The following ORC1 variants were observed in gnomAD, a reference collection of about 807,000 sequenced individuals.
The protein encoded by ORC1 is origin recognition complex, subunit 1 homolog.
A neutral mutation model predicts 98.9 loss-of-function variants in ORC1; 61 were observed. The observed-to-expected ratio is 0.62, with a 90% confidence interval of 0.50 to 0.76. ORC1 has a LOEUF of 0.76. Among genes scored for constraint, ORC1 ranks in the 30% least tolerant of loss-of-function variants. The pLI is 0.00. For synonymous variants in ORC1, 385 were observed against 406.9 expected, an observed-to-expected ratio of 0.95 and a Z score of 0.65; for missense variants, 979 against 1,072.2, an observed-to-expected ratio of 0.91 and a Z score of 1.21.
At chr1:52,380,438 G>A (rs1354098757) in intron 14 of ORC1, among the ~76,000 whole-genome samples, 1 of 152,228 alleles carries the variant, frequency 6.6e-6, no homozygotes, top group African/African-American at 2.4e-5. Flanking sequence ...GCTTGCTCCT[G>A]TAATCCCAGC....
chr1:52,393,394 C>G, intron 6 of ORC1, 49 bp downstream of exon 6: 2 of 1,611,538 alleles, frequency 1.2e-6, no homozygotes, highest in Non-Finnish European at 1.7e-6. Flanking sequence ...ACATACTTCA[C>G]GTGATGTGAA....
At position 52,396,167 on chromosome 1, in the gene ORC1, AG is replaced by A; in HGVS notation, c.599del (p.Pro200LeufsTer43). The A allele has an allele frequency of 6.2e-7, 1 of 1,614,158 alleles. No homozygotes were observed. Among genetic ancestry groups the A allele is most frequent in the Admixed American group, 1.7e-5 (1 of 60,016 alleles). On this transcript the variant is annotated frameshift_variant, in exon 5 of 17. Transcript: ENST00000371568. LOFTEE classifies it high-confidence loss of function. ...CCACATGTTCTGCTGGGGTCCAAGA[AG>A]GGCTCTCTGCACTCTTACTCTTGGC... ...VRAKSKSAES[P>X]SWTPAEHVAK...
chr1:52,402,099 C>T, intron 2 of ORC1, 30 bp downstream of exon 2: 2 of 1,522,094 alleles, frequency 1.3e-6, no homozygotes, highest in Non-Finnish European at 1.8e-6. Context: ...AGCTGTATTT[C>T]CAGGACAACC....
chr1:52,378,011 G>C (rs1424761728), intron 14 of ORC1, among the ~76,000 whole-genome samples: 1 of 152,184 alleles, frequency 6.6e-6, no homozygotes, highest in South Asian at 2.1e-4. Context: ...ATTTGAGGAA[G>C]AGCAGCATCC....
Position 52,385,887 on chromosome 1 carries a change from C to A in ORC1, c.1446G>T (p.Gln482His). 5 of 1,613,840 alleles carry A rather than the reference C, an allele frequency of 3.1e-6. No homozygotes were observed. The highest frequency in any genetic ancestry group is 4.2e-6 in the Non-Finnish European group (5 of 1,179,988). The stretch of plus-strand genomic sequence containing the variant: ...CTTCCTCCAGCACACTGGCTGGCTC[C>A]TGGGCAGCCAGGCTTCGACTACGGA... ...PQIRSRSLAA[Q>H]EPASVLEEAR... is the part of the protein sequence containing the mutation. Residue 482 changes from glutamine to histidine, a missense_variant, in exon 9 of 17, where the codon CAG (glutamine) becomes CAT (histidine). By Grantham distance (24) the Gln-to-His change is conservative. Transcript: ENST00000371568.
Position 52,396,209 on chromosome 1 carries a change from GCACTTGGCTGCA to G in ORC1, c.546_557del (p.Ala183_Cys186del). 1 of 1,614,136 alleles carries G rather than the reference GCACTTGGCTGCA, an allele frequency of 6.2e-7. No homozygotes were observed. Among genetic ancestry groups the G allele is most frequent in the Non-Finnish European group, 8.5e-7 (1 of 1,180,032 alleles). The stretch of plus-strand genomic sequence containing the variant: ...TACTCTTGGCTCTCACGGGTTTCTG[GCACTTGGCTGCA>G]CTCTCTTGTGGTTTATTCAACTCCG... On this transcript the variant is annotated inframe_deletion, in exon 5 of 17. Coordinates refer to ENST00000371568, the MANE Select transcript of ORC1 (RefSeq NM_004153.4).
chr1:52,378,679 A>G (rs1388301571), intron 14 of ORC1, among the ~76,000 whole-genome samples: 1 of 151,574 alleles, frequency 6.6e-6, no homozygotes, highest in African/African-American at 2.4e-5. Flanking sequence ...AATGACAACA[A>G]CAACCCACCC....
At chr1:52,385,318 T>C in intron 9 of ORC1, 56 bp from the exon 10 acceptor site, 1 of 1,073,578 alleles carries the variant, frequency 9.3e-7, no homozygotes, top group East Asian at 2.4e-5. Flanking sequence ...TCCCCAACCA[T>C]CTACTCATTA....
Position 52,385,927 on chromosome 1 carries a change from C to T in ORC1, c.1406G>A (p.Cys469Tyr), listed in dbSNP as rs3087483. 2,868 of 1,613,606 alleles carry T rather than the reference C, an allele frequency of 1.8e-3. 35 individuals carry two copies. In the African/African-American group the frequency reaches 0.034, roughly 19 times the overall value. The change falls in exon 9 of 17, where the codon TGT becomes TAT. Residue 469 changes from cysteine (C) to tyrosine (Y), a missense_variant. Cys to Tyr is a radical substitution (Grantham distance 194). Transcript: ENST00000371568. ...TCGACTACGGATCTGAGGAGCGGCACAACGTGGCGTTCTAGGCTTGAGCTG... is the reference window on the plus strand; with the variant it reads ...TCGACTACGGATCTGAGGAGCGGCATAACGTGGCGTTCTAGGCTTGAGCTG... ...KKSLKPRTPR[C>Y]AAPQIRSRSL...
rs1460968473 is a variant in ORC1, at chr1:52,396,060, CT to C, written c.706del (p.Arg236GlyfsTer7). 4.3e-5 allele frequency: 70 copies of C among 1,614,052 alleles called. No homozygotes were observed. Among genetic ancestry groups the C allele is most frequent in the Non-Finnish European group, 5.8e-5 (69 of 1,180,042 alleles). ...CCACAACTTACTGCCAAGCTCCAGCCTCTTTCTGGCTCTTGGGGTAAGAGGA... is the reference window on the plus strand; with the variant it reads ...CCACAACTTACTGCCAAGCTCCAGCCCTTTCTGGCTCTTGGGGTAAGAGGA... ...THPLTPRARKRLELGNLGNPQ... is the reference protein window; with the variant it reads ...THPLTPRARKXLELGNLGNPQ... On this transcript the variant is annotated frameshift_variant, in exon 5 of 17. Coordinates refer to ENST00000371568, the MANE Select transcript of ORC1 (RefSeq NM_004153.4). LOFTEE classifies it high-confidence loss of function.
chr1:52,373,479 G>T, intron 16 of ORC1, 104 bp from the exon 17 acceptor site: 1 of 948,250 alleles, frequency 1.1e-6, no homozygotes. Flanking sequence ...TGGCCCCCAG[G>T]ATATCAAACA....
chr1:52,384,636 C>T lies in ORC1; in HGVS notation c.1669G>A (p.Ala557Thr). The change falls in exon 11 of 17, where the codon GCC becomes ACC. Residue 557 changes from alanine (A) to threonine (T), a missense_variant. Coordinates refer to ENST00000371568, the MANE Select transcript of ORC1 (RefSeq NM_004153.4). ...TATTGAAAGGGAGGAACATCATTGG[C>T]TTGGGCTGCCTGCTGCAGGCAGCGT... ...VIRCLQQAAQ[A>T]NDVPPFQYIE... 1 of 1,613,956 alleles carries T rather than the reference C, an allele frequency of 6.2e-7. No homozygotes were observed. Among genetic ancestry groups the T allele is most frequent in the East Asian group, 2.2e-5 (1 of 44,870 alleles).
At chr1:52,379,016 G>C (rs1647029084) in intron 14 of ORC1, among the ~76,000 whole-genome samples, 1 of 151,756 alleles carries the variant, frequency 6.6e-6, no homozygotes, top group Admixed American at 6.6e-5. Context: ...CTGGGCGACA[G>C]AGCGAGACTC....
chr1:52,383,969 T>G (rs1298661283), intron 11 of ORC1, 32 bp from the exon 12 acceptor site: 1 of 1,567,840 alleles, frequency 6.4e-7, no homozygotes, highest in Non-Finnish European at 8.8e-7. Flanking sequence ...TGTGAGGAAC[T>G]GTAAGGGTCT....
chr1:52,386,293 C>T lies in ORC1; in HGVS notation c.1384-344G>A, dbSNP rs1647142595. Among the ~76,000 whole-genome samples, 10 of 152,164 alleles carry T rather than the reference C, an allele frequency of 6.6e-5. No individual in the cohort carries two copies. In the South Asian group the frequency reaches 2.1e-3, roughly 32 times the overall value. ...TTTAAGACACCCTAACTACTCTGCC[C>T]AAATACAGAAGAGAAGAGGAGGCAT... is the stretch of plus-strand genomic sequence containing the variant. On this transcript the variant is annotated intron_variant, in intron 8 of 16. Transcript: ENST00000371568.
chr1:52,376,371 C>T lies in ORC1; in HGVS notation c.2134-772G>A, dbSNP rs377661164. Among the ~76,000 whole-genome samples, 177 of 152,124 alleles carry T rather than the reference C, an allele frequency of 1.2e-3. 1 individual carries two copies. The highest frequency in any genetic ancestry group is 4.2e-3 in the African/African-American group (174 of 41,490). On this transcript the variant is annotated intron_variant, in intron 14 of 16. Coordinates refer to ENST00000371568, the MANE Select transcript of ORC1 (RefSeq NM_004153.4). ...CTCTACTAAAAATACAAAAATCAGCCGGGCATGGTGGCACATGCCTGTAAT... is the reference window on the plus strand; with the variant it reads ...CTCTACTAAAAATACAAAAATCAGCTGGGCATGGTGGCACATGCCTGTAAT...
At chr1:52,375,299 C>T (rs1178936516) in intron 15 of ORC1, 131 bp downstream of exon 15, 2 of 839,262 alleles carry the variant, frequency 2.4e-6, no homozygotes, top group African/African-American at 1.7e-5. Flanking sequence ...ATTTCTGTTT[C>T]CCTGACTAGA....
intron 16 of ORC1, among the ~76,000 whole-genome samples, chr1:52,374,242 CAATA>C (rs982668443): frequency 1.3e-5 from 2 of 152,184 alleles, no homozygotes; most frequent in African/African-American, 4.8e-5. Context: ...ACAACCAACC[CAATA>C]AATAAGTAGC....
rs373671398 is a variant in ORC1, at chr1:52,401,368, C to T, written c.217G>A (p.Glu73Lys). ...PYVAKLLELF[E>K]DDSDPPPKKR... ...ATTCCAGTCCCAAACTCACCATCTT[C>T]GAACAACTCAAGCAATTTAGCAACA... is the stretch of plus-strand genomic sequence containing the variant. The change falls in exon 3 of 17, where the codon GAA (glutamate) becomes AAA (lysine). Residue 73 changes from glutamate (E) to lysine (K), a missense_variant. By Grantham distance (56) the Glu-to-Lys change is moderately conservative (BLOSUM62 1). Coordinates refer to ENST00000371568, the MANE Select transcript of ORC1 (RefSeq NM_004153.4). The T allele has an allele frequency of 6.8e-6, 11 of 1,613,972 alleles. No homozygotes were observed. The highest frequency in any genetic ancestry group is 2.7e-5 in the African/African-American group (2 of 74,892).
Sources: allele counts gnomAD v4.1 joint callset (sites outside exome capture counted in the v4.1 genomes callset), GRCh38; gene constraint gnomAD v4.1.1; transcripts MANE v1.5; gene names NCBI Gene and HGNC (gene_info 2026-07-23, HGNC 2026-07-21).